MAOB: variants seen among roughly 807,000 people sequenced by gnomAD.
MAOB encodes monoamine oxidase B.
Under a neutral mutation model 41.9 loss-of-function variants are expected in MAOB, and 15 were observed. That is an observed-to-expected ratio of 0.36 (90% CI 0.24 to 0.55). MAOB has a LOEUF of 0.55. MAOB is among the 20% of genes least tolerant of loss of function. The pLI, the probability that MAOB is intolerant of heterozygous loss-of-function variation, is 0.86. For missense variants in MAOB, 345 were observed against 398.7 expected, an observed-to-expected ratio of 0.87 and a Z score of 1.15; for synonymous variants, 167 against 144.2, an observed-to-expected ratio of 1.16 and a Z score of -1.13.
At chrX:43,844,911 G>A (rs566050170) in intron 1 of MAOB, among the ~76,000 whole-genome samples, 31 of 111,802 alleles carry the variant, frequency 2.8e-4, no homozygotes, top group African/African-American at 9.8e-4. Context: ...CTATCATGGG[G>A]CTCCTCTATC....
rs779138717 is a variant in MAOB, at chrX:43,850,787, T to A, written c.47-7023A>T. Among the ~76,000 whole-genome samples, 84 of 112,245 alleles carry A rather than the reference T, an allele frequency of 7.5e-4. No individual in the cohort carries two copies. In the South Asian group the frequency reaches 9.6e-3, roughly 13 times the overall value. On this transcript the variant is annotated intron_variant, in intron 1 of 14. Transcript: ENST00000378069. ...TTTACTGAAGCCTCAGGCTGTGGGATGATTTATGCTCTTGAAAAAGATAAA... is the reference window on the plus strand; with the variant it reads ...TTTACTGAAGCCTCAGGCTGTGGGAAGATTTATGCTCTTGAAAAAGATAAA...
At chrX:43,772,590 G>A (rs1477565563) in intron 12 of MAOB, among the ~76,000 whole-genome samples, 1 of 111,894 alleles carries the variant, frequency 8.9e-6, no homozygotes, top group Non-Finnish European at 1.9e-5. Flanking sequence ...GTCATATAGG[G>A]CAAACTGTTC....
At chrX:43,832,244 A>T (rs1340941183) in intron 3 of MAOB, among the ~76,000 whole-genome samples, 1 of 112,282 alleles carries the variant, frequency 8.9e-6, no homozygotes, top group Admixed American at 9.5e-5. Context: ...CTTGTTCATC[A>T]AGTACAATCA....
intron 11 of MAOB, 75 bp from the exon 12 acceptor site, chrX:43,775,347 A>C: frequency 2.6e-6 from 3 of 1,142,178 alleles, no homozygotes; most frequent in Non-Finnish European, 1.2e-6. Flanking sequence ...CGAACAGTTT[A>C]GTAGGCTTTG....
chrX:43,836,887 C>A (rs2035078027), intron 3 of MAOB, among the ~76,000 whole-genome samples: 2 of 112,471 alleles, frequency 1.8e-5, no homozygotes, highest in African/African-American at 3.2e-5. Flanking sequence ...CCTAACTGCA[C>A]ATAGAGTAAT....
chrX:43,773,185 C>T (rs886798260), intron 12 of MAOB, among the ~76,000 whole-genome samples: 1 of 111,715 alleles, frequency 9.0e-6, no homozygotes, highest in African/African-American at 3.3e-5. Flanking sequence ...TCCTACAACC[C>T]TCAGGTGGTA....
chrX:43,792,538 A>C (rs1176452370), intron 8 of MAOB, among the ~76,000 whole-genome samples: 1 of 112,292 alleles, frequency 8.9e-6, no homozygotes, highest in Non-Finnish European at 1.9e-5. Flanking sequence ...ATGCATGAAC[A>C]GACACTTCTC....
chrX:43,848,761 C>A (rs748862008), intron 1 of MAOB, among the ~76,000 whole-genome samples: 35 of 111,716 alleles, frequency 3.1e-4, no homozygotes, highest in Non-Finnish European at 5.6e-4. Flanking sequence ...ACCATGTTGG[C>A]CAGCCTGGTC....
chrX:43,837,501 A>C (rs1431752739), intron 3 of MAOB, among the ~76,000 whole-genome samples: 4 of 112,595 alleles, frequency 3.6e-5, no homozygotes, highest in Non-Finnish European at 7.5e-5. Flanking sequence ...CCCGGCCAAT[A>C]TAAAATAAAA....
chrX:43,844,002 T>G (rs1426247677), intron 1 of MAOB: 42 of 788,147 alleles, frequency 5.3e-5, no homozygotes, highest in Non-Finnish European at 6.8e-5. Context: ...CCTCTGCCAC[T>G]ATATCAAAAT....
chrX:43,781,529 A>G lies in MAOB; in HGVS notation c.944T>C (p.Met315Thr), dbSNP rs778411983. The change falls in exon 9 of 15, where the codon ATG becomes ACG. Residue 315 changes from methionine (M) to threonine (T), a missense_variant. By Grantham distance (81) the Met-to-Thr change is moderately conservative. Coordinates refer to ENST00000378069, the MANE Select transcript of MAOB (RefSeq NM_000898.5). ...FWRKKDYCGT[M>T]IIDGEEAPVA... ...TGGAGCTTCTTCTCCATCAATAATC[A>G]TGGTTCCACAGTAATCTTAGAGAAC... 2 of 1,174,546 alleles carry G rather than the reference A, an allele frequency of 1.7e-6. No individual in the cohort carries two copies. The highest frequency in any genetic ancestry group is 1.8e-5 in the South Asian group (1 of 54,388).
intron 3 of MAOB, among the ~76,000 whole-genome samples, chrX:43,815,020 G>A (rs759941741): frequency 1.8e-5 from 2 of 111,526 alleles, no homozygotes; most frequent in Non-Finnish European, 3.8e-5. Context: ...ATTAGTCCAT[G>A]CATTGACCTC....
At chrX:43,847,167 A>G (rs1003669874) in intron 1 of MAOB, among the ~76,000 whole-genome samples, 1 of 111,162 alleles carries the variant, frequency 9.0e-6, no homozygotes, top group Non-Finnish European at 1.9e-5. Flanking sequence ...AACATGGGGA[A>G]ACCCCGTCTC....
At chrX:43,838,080 A>T (rs2035091785) in intron 3 of MAOB, 1 of 280,875 alleles carries the variant, frequency 3.6e-6, no homozygotes, top group Non-Finnish European at 7.0e-6. Context: ...ATTCAGTTCT[A>T]ATCTGTTTGT....
chrX:43,778,635 A>G (rs768207069), intron 11 of MAOB, 47 bp downstream of exon 11: 71 of 1,060,550 alleles, frequency 6.7e-5, no homozygotes, highest in Non-Finnish European at 8.9e-5. Context: ...ACTTGGGGAC[A>G]AAGAAAGGCC....
intron 12 of MAOB, among the ~76,000 whole-genome samples, chrX:43,774,442 C>A (rs2034226525): frequency 9.0e-6 from 1 of 111,595 alleles, no homozygotes; most frequent in African/African-American, 3.3e-5. Context: ...TCATACTTCC[C>A]AGCATCTAAG....
rs981247543 is a variant in MAOB at position 43,802,060 on chromosome X, G to C, written c.476+112C>G. ...GGTTTTCAGCATGCCACTGGCTGGTGGTGTGGTTTTAGACACAAAGCAGCT... is the reference window on the plus strand; with the variant it reads ...GGTTTTCAGCATGCCACTGGCTGGTCGTGTGGTTTTAGACACAAAGCAGCT... On this transcript the variant is annotated intron_variant, in intron 5 of 14. Transcript: ENST00000378069. 54 of 582,369 alleles carry C rather than the reference G, an allele frequency of 9.3e-5. No individual in the cohort carries two copies. In the African/African-American group the frequency reaches 1.0e-3, roughly 11 times the overall value. The allele number at this position is 582,369 out of a possible 1,213,427, so 48.0% of individuals were successfully genotyped here. A position where few individuals can be genotyped will look rare whatever the true frequency, so the allele number is the denominator to read the frequency against.
At chrX:43,806,396 A>T (rs1333666322) in intron 3 of MAOB, among the ~76,000 whole-genome samples, 1 of 111,700 alleles carries the variant, frequency 9.0e-6, no homozygotes, top group African/African-American at 3.3e-5. Context: ...CTTAATTTGG[A>T]TCTGTCTGAA....
intron 3 of MAOB, among the ~76,000 whole-genome samples, chrX:43,804,153 G>A (rs765842134): frequency 9.0e-6 from 1 of 111,513 alleles, no homozygotes; most frequent in African/African-American, 3.3e-5. Flanking sequence ...CGAGTCAGAA[G>A]CCAGGTCGTG....
Sources: gnomAD v4.1 joint callset for allele counts (sites outside exome capture counted in the v4.1 genomes callset) on GRCh38, gnomAD v4.1.1 for gene constraint, MANE v1.5 for transcripts, NCBI Gene and HGNC (gene_info 2026-07-23, HGNC 2026-07-21) for gene names.